The following PACRG variants were observed in gnomAD, a reference collection of about 807,000 sequenced individuals.
PACRG encodes the protein parkin coregulated.
PACRG carries 29 observed loss-of-function variants against 29.7 expected under a neutral mutation model. That is an observed-to-expected ratio of 0.98 (90% confidence interval 0.73 to 1.33). PACRG has a LOEUF of 1.33. PACRG is among the 40% of genes most tolerant of loss of function. The pLI, the probability that PACRG is intolerant of heterozygous loss-of-function variation, is 0.00. For missense variants in PACRG, 279 were observed against 316.2 expected, an observed-to-expected ratio of 0.88 and a Z score of 0.89; for synonymous variants, 116 against 118.7, an observed-to-expected ratio of 0.98 and a Z score of 0.15.
At chr6:163,167,656 A>T (rs1424688612) in intron 4 of PACRG, among the ~76,000 whole-genome samples, 2 of 152,232 alleles carry the variant, frequency 1.3e-5, no homozygotes, top group Non-Finnish European at 2.9e-5. Flanking sequence ...TCATGATTAA[A>T]CAGGAAAGCT....
intron 1 of PACRG, among the ~76,000 whole-genome samples, chr6:162,743,495 C>T (rs1360493041): frequency 6.6e-6 from 1 of 151,998 alleles, no homozygotes; most frequent in East Asian, 1.9e-4. Flanking sequence ...ATTCTCATTG[C>T]TAATTTATTA....
At chr6:163,255,731 G>C (rs1374820500) in intron 4 of PACRG, among the ~76,000 whole-genome samples, 1 of 152,128 alleles carries the variant, frequency 6.6e-6, no homozygotes, top group Non-Finnish European at 1.5e-5. Flanking sequence ...CTGCCTCCCG[G>C]GTTCAAGCAA....
chr6:162,950,530 T>G (rs921706742), intron 2 of PACRG, among the ~76,000 whole-genome samples: 1 of 151,888 alleles, frequency 6.6e-6, no homozygotes, highest in Admixed American at 6.6e-5. Flanking sequence ...AATAAATTAA[T>G]TAATAATAAA....
intron 4 of PACRG, among the ~76,000 whole-genome samples, chr6:163,248,431 C>CAAAAAAAAA (rs199676766): frequency 9.1e-6 from 1 of 109,674 alleles, no homozygotes; most frequent in African/African-American, 3.0e-5. Context: ...ATATTTTATG[C>CAAAAAAAAA]AAAAAAAAAA....
chr6:163,199,312 A>G (rs945947829), intron 4 of PACRG, among the ~76,000 whole-genome samples: 1 of 152,236 alleles, frequency 6.6e-6, no homozygotes, highest in Admixed American at 6.5e-5. Flanking sequence ...GAGCTAATTC[A>G]TAAGAAACTA....
chr6:162,920,886 A>C (rs2128093228), intron 2 of PACRG, among the ~76,000 whole-genome samples: 1 of 152,324 alleles, frequency 6.6e-6, no homozygotes, highest in Non-Finnish European at 1.5e-5. Context: ...AAATGCTATT[A>C]TTTTTAAATT....
At chr6:163,041,059 CG>C (rs1808649570) in intron 2 of PACRG, among the ~76,000 whole-genome samples, 1 of 152,224 alleles carries the variant, frequency 6.6e-6, no homozygotes, top group African/African-American at 2.4e-5. Flanking sequence ...ATACATCAGC[CG>C]GGTGCAGTGG....
At chr6:163,167,515 A>G (rs2128344821) in intron 4 of PACRG, among the ~76,000 whole-genome samples, 1 of 152,314 alleles carries the variant, frequency 6.6e-6, no homozygotes, top group Non-Finnish European at 1.5e-5. Flanking sequence ...AATACTTTAT[A>G]ACTATGTTGA....
intron 2 of PACRG, among the ~76,000 whole-genome samples, chr6:162,947,609 A>ATC (rs1562767226): frequency 6.1e-5 from 2 of 32,624 alleles, no homozygotes; most frequent in African/African-American, 1.7e-4. Context: ...TATATATATA[A>ATC]TCATATATAT....
At chr6:162,749,090 T>C (rs932110817) in intron 1 of PACRG, among the ~76,000 whole-genome samples, 1 of 151,276 alleles carries the variant, frequency 6.6e-6, no homozygotes, top group African/African-American at 2.5e-5. Flanking sequence ...TGCATTCATT[T>C]GTATGTAATA....
intron 3 of PACRG, among the ~76,000 whole-genome samples, chr6:163,078,093 T>C (rs1475957884): frequency 6.6e-6 from 1 of 152,218 alleles, no homozygotes; most frequent in Non-Finnish European, 1.5e-5. Flanking sequence ...TGTAATGTGA[T>C]GTTGAGGGGC....
intron 2 of PACRG, among the ~76,000 whole-genome samples, chr6:162,861,658 C>A (rs551135318): frequency 6.6e-6 from 1 of 152,256 alleles, no homozygotes; most frequent in Non-Finnish European, 1.5e-5. Context: ...GCCTCACCAC[C>A]CACCTCTCAT....
chr6:162,860,461 A>G (rs1791771668), intron 2 of PACRG, among the ~76,000 whole-genome samples: 1 of 152,208 alleles, frequency 6.6e-6, no homozygotes, highest in African/African-American at 2.4e-5. Context: ...GCCTAAGAGC[A>G]ATGTAAACTT....
intron 1 of PACRG, among the ~76,000 whole-genome samples, chr6:162,729,973 G>A (rs573703604): frequency 6.6e-6 from 1 of 151,760 alleles, no homozygotes; most frequent in East Asian, 1.9e-4. Context: ...TCTTGTACTA[G>A]CAATACCTCT....
intron 1 of PACRG, among the ~76,000 whole-genome samples, chr6:162,771,765 T>G (rs1354238060): frequency 6.6e-6 from 1 of 152,172 alleles, no homozygotes. Context: ...TCAAGAACAT[T>G]TTGATAGCTA....
intron 4 of PACRG, among the ~76,000 whole-genome samples, chr6:163,252,239 C>T (rs970910312): frequency 5.3e-5 from 8 of 152,354 alleles, no homozygotes; most frequent in Non-Finnish European, 7.3e-5. Context: ...GCTGTGAGCA[C>T]GCCCTCTGCA....
intron 3 of PACRG, among the ~76,000 whole-genome samples, chr6:163,073,203 A>C (rs981995674): frequency 2.0e-5 from 3 of 152,136 alleles, no homozygotes; most frequent in Middle Eastern, 3.2e-3. Context: ...ACTTCAAATT[A>C]TACTACATTA....
chr6:163,040,888 T>C (rs187733111), intron 2 of PACRG, among the ~76,000 whole-genome samples: 13 of 152,308 alleles, frequency 8.5e-5, no homozygotes, highest in Admixed American at 7.2e-4. Flanking sequence ...CTTGGACTTT[T>C]GAGTTAATGC....
At chr6:163,235,937 T>G (rs796316535) in intron 4 of PACRG, among the ~76,000 whole-genome samples, 1 of 111,160 alleles carries the variant, frequency 9.0e-6, no homozygotes. Context: ...AAAAGTTGTT[T>G]TTTTTGTTTG....
Sources: gnomAD v4.1 joint callset for allele counts (sites outside exome capture counted in the v4.1 genomes callset) on GRCh38, gnomAD v4.1.1 for gene constraint, MANE v1.5 for transcripts, NCBI Gene and HGNC (gene_info 2026-07-23, HGNC 2026-07-21) for gene names.